The following COL11A2 variants were observed in gnomAD, a reference collection of about 807,000 sequenced individuals.
COL11A2 encodes the protein collagen alpha-2(XI) chain.
In COL11A2, 116 loss-of-function variants were observed where a neutral mutation model predicts 273.4. The ratio of observed to expected loss-of-function variants is 0.42; its 90% CI spans 0.36 to 0.49. The LOEUF is 0.49. Ranked by LOEUF, COL11A2 falls within the 20% of genes least tolerant of loss-of-function variation. COL11A2 has a pLI of 0.00. For synonymous variants in COL11A2, 782 were observed against 864.2 expected (o/e 0.90, Z 1.67); for missense variants, 1,866 against 2,309.0 (o/e 0.81, Z 3.93).
At chr6:33,193,020 C>G (rs1009405652), upstream of COL11A2, among the ~76,000 whole-genome samples, 1 of 151,920 alleles carries the variant, frequency 6.6e-6, no homozygotes, top group Non-Finnish European at 1.5e-5. Context: ...GAGACTGGGA[C>G]CCACCGACAA....
chr6:33,165,987 G>A lies in COL11A2; in HGVS notation c.4429-3C>T, dbSNP rs1445641903. ...TCTCCCTTGGGTCCGCCTGGGCCCT[G>A]ACAAGGAATAAATCAGGTCATGGAG... On this transcript the variant is annotated splice_polypyrimidine_tract_variant and splice_region_variant and intron_variant, in intron 61 of 65. Coordinates refer to ENST00000341947, the MANE Select transcript of COL11A2 (RefSeq NM_080680.3). This position sits in a 1 kb window ranked among gnomAD's most constrained non-coding sequence, Gnocchi z 7.7. 2.5e-6 allele frequency: 4 copies of A among 1,614,056 alleles called. No homozygotes were observed. The East Asian group carries it at 8.9e-5, about 36-fold the overall frequency.
rs1771426528 is a variant in COL11A2 at position 33,179,493 on chromosome 6, G to A, written c.1447-6C>T. ...GGGGGTCCACGGAGCGCCAGCTAGGGGAGCAGGGGGACAGCAGAGCTGAGG... is the reference window on the plus strand; with the variant it reads ...GGGGGTCCACGGAGCGCCAGCTAGGAGAGCAGGGGGACAGCAGAGCTGAGG... On this transcript the variant is annotated splice_polypyrimidine_tract_variant and splice_region_variant and intron_variant, in intron 13 of 65. Coordinates refer to ENST00000341947, the MANE Select transcript of COL11A2 (RefSeq NM_080680.3). This position sits in a 1 kb window ranked among gnomAD's most constrained non-coding sequence, Gnocchi z 6.4. 1 of 1,557,380 alleles carries A rather than the reference G, an allele frequency of 6.4e-7. No individual in the cohort carries two copies. Among genetic ancestry groups the A allele is most frequent in the Non-Finnish European group, 8.7e-7 (1 of 1,150,026 alleles).
chr6:33,186,344 C>G, intron 5 of COL11A2: 1 of 1,359,648 alleles, frequency 7.4e-7, no homozygotes, highest in Non-Finnish European at 9.6e-7. Flanking sequence ...CACTGTCTCC[C>G]AATCTCTTAA....
rs1371108175 is a variant in COL11A2 at position 33,176,889 on chromosome 6, C to T, written c.2070+103G>A. On this transcript the variant is annotated intron_variant, in intron 25 of 65. Coordinates refer to ENST00000341947, the MANE Select transcript of COL11A2 (RefSeq NM_080680.3). This position sits in a 1 kb window ranked among gnomAD's most constrained non-coding sequence, Gnocchi z 4.9. ...AAGCCAACTGTCCATGGACAAGCAC[C>T]ACCAGTGACCTTTCAGTGCAAGGGT... 2.0e-6 allele frequency: 3 copies of T among 1,532,826 alleles called. No homozygotes were observed. The African/African-American group carries it at 4.1e-5, about 21-fold the overall frequency. The allele number at this position is 1,532,826 out of a possible 1,614,324, so 95.0% of individuals were successfully genotyped here. A position where few individuals can be genotyped will look rare whatever the true frequency, so the allele number is the denominator to read the frequency against.
rs764083806 is a variant in COL11A2, at chr6:33,174,508, G to T, written c.2430+19C>A. On this transcript the variant is annotated intron_variant, in intron 31 of 65. Transcript: ENST00000341947. The stretch of plus-strand genomic sequence containing the variant: ...GAGGAGGGAAGAGGAGGAGGGGCAC[G>T]TATGGGGCATGGCATCACCTTGGGT... 5 of 1,612,156 alleles carry T rather than the reference G, an allele frequency of 3.1e-6. No homozygotes were observed. The highest frequency in any genetic ancestry group is 3.3e-5 in the Admixed American group (2 of 59,926).
At position 33,170,515 on chromosome 6, in the gene COL11A2, G is replaced by T; in HGVS notation, c.3528+42C>A. On this transcript the variant is annotated intron_variant, in intron 47 of 65. Coordinates refer to ENST00000341947, the MANE Select transcript of COL11A2 (RefSeq NM_080680.3). The surrounding 1 kb of genome is among the most constrained non-coding windows in gnomAD (Gnocchi z 4.3). ...GGGTGGGGGCTGGCCAGGGAGGGGG[G>T]TGACTAGTATGGTGGCTAGGGTCAG... 1 of 1,607,802 alleles carries T rather than the reference G, an allele frequency of 6.2e-7. No homozygotes were observed. Among genetic ancestry groups the T allele is most frequent in the Non-Finnish European group, 8.5e-7 (1 of 1,176,450 alleles).
Position 33,166,100 on chromosome 6 carries a change from T to C in COL11A2, c.4428+71A>G, listed in dbSNP as rs112800692. ...TAAGGGGCTCCTTGGGGGGAGTCTA[T>C]TTGTCCTGGAGAGACATCATCAAGT... On this transcript the variant is annotated intron_variant, in intron 61 of 65. Coordinates refer to ENST00000341947, the MANE Select transcript of COL11A2 (RefSeq NM_080680.3). This position sits in a 1 kb window ranked among gnomAD's most constrained non-coding sequence, Gnocchi z 4.8. 2.5e-6 allele frequency: 4 copies of C among 1,603,402 alleles called. No individual in the cohort carries two copies. The highest frequency in any genetic ancestry group is 1.3e-5 in the African/African-American group (1 of 74,814).
chr6:33,169,812 C>T lies in COL11A2; in HGVS notation c.3690+19G>A. 6.2e-7 allele frequency: 1 copy of T among 1,613,928 alleles called. No individual in the cohort carries two copies. Among genetic ancestry groups the T allele is most frequent in the South Asian group, 1.1e-5 (1 of 91,074 alleles). Reference sequence around the variant, plus strand: ...GGGTGACGGGGACTGGGGAGTAAGGCCTTGGAGCTGTCACTCACCTTGACA... The same window carrying T: ...GGGTGACGGGGACTGGGGAGTAAGGTCTTGGAGCTGTCACTCACCTTGACA... On this transcript the variant is annotated intron_variant, in intron 50 of 65. Transcript: ENST00000341947. The surrounding 1 kb of genome is among the most constrained non-coding windows in gnomAD (Gnocchi z 5.5).
chr6:33,177,700 G>A lies in COL11A2; in HGVS notation c.1879C>T (p.Arg627Ter), dbSNP rs374156844. The A allele has an allele frequency of 1.2e-6, 2 of 1,612,894 alleles. No homozygotes were observed. Among genetic ancestry groups the A allele is most frequent in the African/African-American group, 1.3e-5 (1 of 75,004 alleles). ...PPGIPGPPGV[R>*]GMDGPQGPKG... ...GGGCCCTGGGGACCATCCATGCCTC[G>A]GACGCCCTGAAACACAAGATGGGTG... The change falls in exon 22 of 66, where the codon CGA (arginine) becomes TGA (stop). Residue 627 changes from arginine to a stop codon, truncating the protein, a stop_gained. Transcript: ENST00000341947. LOFTEE classifies it high-confidence loss of function. This position sits in a 1 kb window ranked among gnomAD's most constrained non-coding sequence, Gnocchi z 5.9.
intron 7 of COL11A2, 101 bp downstream of exon 7, chr6:33,184,891 G>T: frequency 1.0e-6 from 1 of 977,260 alleles, no homozygotes; most frequent in Non-Finnish European, 1.6e-6. Flanking sequence ...GAACCCTCCG[G>T]CCAGAGGAGG....
chr6:33,183,609 A>G (rs573874744), intron 8 of COL11A2, among the ~76,000 whole-genome samples: 11 of 152,340 alleles, frequency 7.2e-5, no homozygotes, highest in Non-Finnish European at 1.3e-4. Context: ...CCAGAACAGA[A>G]ATAATAAATC....
rs778730089 is a variant in COL11A2, at chr6:33,167,902, C to T, written c.3961-50G>A. ...GCACATGAGGCCGTGGGCAGCCAGG[C>T]TCAACTCTTCCCCCTTCCTGTCCTA... On this transcript the variant is annotated intron_variant, in intron 54 of 65. Transcript: ENST00000341947. This position sits in a 1 kb window ranked among gnomAD's most constrained non-coding sequence, Gnocchi z 6.1. 6.3e-6 allele frequency: 10 copies of T among 1,599,474 alleles called. No individual in the cohort carries two copies. Among genetic ancestry groups the T allele is most frequent in the Admixed American group, 5.1e-5 (3 of 59,300 alleles).
Position 33,176,553 on chromosome 6 carries a change from GGAA to G in COL11A2, c.2116-70_2116-68del. On this transcript the variant is annotated intron_variant, in intron 26 of 65. Transcript: ENST00000341947. This position sits in a 1 kb window ranked among gnomAD's most constrained non-coding sequence, Gnocchi z 4.9. ...TGTCACTGTGGGGGCCTCCAGGGGT[GGAA>G]GAAATGGAAGTAACAACATTGCTGT... 6.8e-7 allele frequency: 1 copy of G among 1,467,548 alleles called. No homozygotes were observed. The highest frequency in any genetic ancestry group is 1.2e-5 in the South Asian group (1 of 86,802). 90.9% of individuals were successfully genotyped at this position (1,467,548 alleles called of 1,614,324 possible).
Position 33,179,779 on chromosome 6 carries a change from G to T in COL11A2, c.1386C>A (p.Asp462Glu). ...CCTGGGCCGCCACCACAGGGCCCTT[G>T]TCACCCCCACCACTGCCAAACCGGA... ...LPFRFGSGGG[D>E]KGPVVAAQEA... Residue 462 changes from aspartate (D) to glutamate (E), a missense_variant, in exon 13 of 66, where the codon GAC (aspartate) becomes GAA (glutamate). Physicochemically the swap from Asp to Glu is conservative, Grantham distance 45 (BLOSUM62 2). Transcript: ENST00000341947. The surrounding 1 kb of genome is among the most constrained non-coding windows in gnomAD (Gnocchi z 6.4). The T allele has an allele frequency of 6.2e-7, 1 of 1,611,826 alleles. No homozygotes were observed. Among genetic ancestry groups the T allele is most frequent in the African/African-American group, 1.3e-5 (1 of 75,028 alleles).
At chr6:33,182,858 A>T (rs1771900561) in intron 8 of COL11A2, among the ~76,000 whole-genome samples, 1 of 152,108 alleles carries the variant, frequency 6.6e-6, no homozygotes, top group South Asian at 2.1e-4. Flanking sequence ...ACAAAATAAG[A>T]ACATGGAGAA....
In COL11A2 at chr6:33,170,601, C is replaced by T. The variant is rs1175531209; in HGVS notation, c.3484G>A (p.Gly1162Ser). The stretch of plus-strand genomic sequence containing the variant: ...GTTTCTCCCTTCTCCCCAGAGGGGC[C>T]TGGCAAACCCTGTGCAAGTATACAA... ...PGPIGLQGLP[G>S]PSGEKGETGD... The change falls in exon 47 of 66, where the codon GGC (glycine) becomes AGC (serine). Residue 1162 changes from glycine (G) to serine (S), a missense_variant. Coordinates refer to ENST00000341947, the MANE Select transcript of COL11A2 (RefSeq NM_080680.3). The surrounding 1 kb of genome is among the most constrained non-coding windows in gnomAD (Gnocchi z 4.3). 1 of 1,612,428 alleles carries T rather than the reference C, an allele frequency of 6.2e-7. No homozygotes were observed. Among genetic ancestry groups the T allele is most frequent in the South Asian group, 1.1e-5 (1 of 91,078 alleles).
chr6:33,172,700 CCCACCCTGG>C, intron 38 of COL11A2, 63 bp from the exon 39 acceptor site: 1 of 1,391,214 alleles, frequency 7.2e-7, no homozygotes, highest in Non-Finnish European at 1.0e-6. Flanking sequence ...GCCAGAAGAG[CCCACCCTGG>C]CCACCCTAAA....
In COL11A2 at chr6:33,179,267, A is replaced by G; in HGVS notation, c.1521T>C (p.Pro507=). The G allele has an allele frequency of 6.2e-7, 1 of 1,611,458 alleles. No homozygotes were observed. Residue 507 remains proline (P), a synonymous_variant, in exon 15 of 66, where the codon CCT becomes CCC. Coordinates refer to ENST00000341947, the MANE Select transcript of COL11A2 (RefSeq NM_080680.3). This position sits in a 1 kb window ranked among gnomAD's most constrained non-coding sequence, Gnocchi z 6.4. The stretch of plus-strand genomic sequence containing the variant: ...AGTCTCCAGACTCTCCTTTCAGGCC[A>G]GGGCTCCCAGGTTGGCCCTGGGAGA... ...RPGPLGQPGS[P]GLKGESGDLG...
intron 12 of COL11A2, among the ~76,000 whole-genome samples, chr6:33,180,050 G>A (rs1393214245): frequency 1.3e-5 from 2 of 152,148 alleles, no homozygotes; most frequent in Non-Finnish European, 2.9e-5. Context: ...AGGCTGTTCT[G>A]CCCAGTCCTA....
Sources: allele counts gnomAD v4.1 joint callset (sites outside exome capture counted in the v4.1 genomes callset), GRCh38; gene constraint gnomAD v4.1.1; non-coding constraint Gnocchi (gnomAD v3.1); transcripts MANE v1.5; gene names NCBI Gene and HGNC (gene_info 2026-07-23, HGNC 2026-07-21).